LAMC1: variants seen among roughly 807,000 people sequenced by gnomAD.
The protein encoded by LAMC1 is laminin subunit gamma-1.
In LAMC1, 38 loss-of-function variants were observed where a neutral mutation model predicts 173.6. That is an observed-to-expected ratio of 0.22 (90% CI 0.17 to 0.29). LAMC1 has a LOEUF of 0.29. LAMC1 is among the 10% of genes least tolerant of loss of function. The pLI, the probability that LAMC1 is intolerant of heterozygous loss-of-function variation, is 1.00. For missense variants in LAMC1, 1,824 were observed against 2,051.8 expected (o/e 0.89, Z 2.14); for synonymous variants, 746 against 749.1 (o/e 1.00, Z 0.07).
chr1:183,085,560 G>C (rs899616899), intron 1 of LAMC1, among the ~76,000 whole-genome samples: 1 of 151,884 alleles, frequency 6.6e-6, no homozygotes, highest in Non-Finnish European at 1.5e-5. Context: ...GTAGAGATGG[G>C]GTTTTACCAT....
intron 1 of LAMC1, among the ~76,000 whole-genome samples, chr1:183,091,677 C>T (rs973376991): frequency 1.4e-4 from 21 of 152,106 alleles, no homozygotes; most frequent in Admixed American, 2.0e-4. Context: ...CAACATTACC[C>T]GACACAGACT....
chr1:183,061,785 A>G (rs181552821), intron 1 of LAMC1, among the ~76,000 whole-genome samples: 7 of 152,380 alleles, frequency 4.6e-5, no homozygotes, highest in African/African-American at 1.7e-4. Context: ...CCATATAAGA[A>G]GAGAATAACT....
chr1:183,131,425 T>TGG lies in LAMC1; in HGVS notation c.3566+50_3566+51dup, dbSNP rs749994645. 3.6e-4 allele frequency: 348 copies of TGG among 974,244 alleles called. 1 individual carries two copies. The African/African-American group carries it at 3.7e-3, about 10-fold the overall frequency. The allele number at this position is 974,244 out of a possible 1,614,324, so 60.3% of individuals were successfully genotyped here. On this transcript the variant is annotated intron_variant, in intron 20 of 27. Coordinates refer to ENST00000258341, the MANE Select transcript of LAMC1 (RefSeq NM_002293.4). ...AATGGTTAAGTTGTGGCTTCTGTTATGGGGTGTGTGTGTGTGTGTGTGTGT... is the reference window on the plus strand; with the variant it reads ...AATGGTTAAGTTGTGGCTTCTGTTATGGGGGGTGTGTGTGTGTGTGTGTGTGT...
At chr1:183,036,927 C>G (rs956672403) in intron 1 of LAMC1, among the ~76,000 whole-genome samples, 1 of 152,176 alleles carries the variant, frequency 6.6e-6, no homozygotes, top group South Asian at 2.1e-4. Context: ...AGGCACCCAC[C>G]ACCACGCCCG....
intron 20 of LAMC1, among the ~76,000 whole-genome samples, chr1:183,132,063 C>T (rs1384787800): frequency 6.6e-6 from 1 of 152,164 alleles, no homozygotes; most frequent in Non-Finnish European, 1.5e-5. Context: ...CTTTGGGAGG[C>T]CAAGGCGGGT....
At chr1:183,118,493 C>T (rs1374693328) in intron 11 of LAMC1, among the ~76,000 whole-genome samples, 2 of 152,184 alleles carry the variant, frequency 1.3e-5, no homozygotes, top group East Asian at 1.9e-4. Flanking sequence ...GAGGCTGAGG[C>T]GAGCAGATCA....
chr1:183,044,054 T>C (rs926736063), intron 1 of LAMC1, among the ~76,000 whole-genome samples: 2 of 152,156 alleles, frequency 1.3e-5, no homozygotes, highest in African/African-American at 4.8e-5. Flanking sequence ...TAGGAATCTT[T>C]AGTCACTCAG....
chr1:183,108,460 T>G, intron 3 of LAMC1, 54 bp downstream of exon 3: 1 of 1,522,448 alleles, frequency 6.6e-7, no homozygotes, highest in Non-Finnish European at 9.0e-7. Flanking sequence ...TGCATAGAGG[T>G]GAATCTAGCA....
chr1:183,085,422 G>C (rs983462727), intron 1 of LAMC1, among the ~76,000 whole-genome samples: 1 of 152,102 alleles, frequency 6.6e-6, no homozygotes, highest in Non-Finnish European at 1.5e-5. Flanking sequence ...GAGTGCAGTA[G>C]TGTGAATATG....
intron 1 of LAMC1, among the ~76,000 whole-genome samples, chr1:183,093,708 A>G (rs370630925): frequency 4.6e-5 from 7 of 152,066 alleles, no homozygotes; most frequent in African/African-American, 1.2e-4. Flanking sequence ...GGTATCTTCA[A>G]CTTAGTATAT....
intron 26 of LAMC1, among the ~76,000 whole-genome samples, chr1:183,139,167 A>C (rs1657034336): frequency 6.6e-6 from 1 of 152,238 alleles, no homozygotes; most frequent in East Asian, 1.9e-4. Flanking sequence ...AAAACAGTAT[A>C]TTCTTTAGGA....
rs1456397917 is a variant in LAMC1 at position 183,122,177 on chromosome 1, C to T, written c.2327C>T (p.Pro776Leu). 1 of 1,614,178 alleles carries T rather than the reference C, an allele frequency of 6.2e-7. No individual in the cohort carries two copies. The highest frequency in any genetic ancestry group is 8.5e-7 in the Non-Finnish European group (1 of 1,180,034). The change falls in exon 13 of 28, where the codon CCT (proline) becomes CTT (leucine). Residue 776 changes from proline (P) to leucine (L), a missense_variant. Physicochemically the swap from Pro to Leu is moderately conservative, Grantham distance 98 (BLOSUM62 -3). Coordinates refer to ENST00000258341, the MANE Select transcript of LAMC1 (RefSeq NM_002293.4). Reference sequence around the variant, plus strand: ...TCCGATTGCCAACCCTGTCCGTGTCCTGGAGGTTCAAGTTGTGCTGTTGTT... The same window carrying T: ...TCCGATTGCCAACCCTGTCCGTGTCTTGGAGGTTCAAGTTGTGCTGTTGTT... ...TSSDCQPCPC[P>L]GGSSCAVVPK...
Position 183,121,855 on chromosome 1 carries a change from A to G in LAMC1, c.2123A>G (p.Tyr708Cys), listed in dbSNP as rs761392364. 6.2e-7 allele frequency: 1 copy of G among 1,614,174 alleles called. No homozygotes were observed. The highest frequency in any genetic ancestry group is 2.2e-5 in the East Asian group (1 of 44,878). The change falls in exon 12 of 28, where the codon TAC (tyrosine) becomes TGC (cysteine). Residue 708 changes from tyrosine to cysteine, a missense_variant. Physicochemically the swap from Tyr to Cys is radical, Grantham distance 194. Coordinates refer to ENST00000258341, the MANE Select transcript of LAMC1 (RefSeq NM_002293.4). ...GQFCEMCLSGYRRETPNLGPY... is the reference protein window; with the variant it reads ...GQFCEMCLSGCRRETPNLGPY... ...TTTTGTGAGATGTGCCTCTCAGGTT[A>G]CAGAAGAGAAACTCCTAATCTTGGA...
At position 183,108,297 on chromosome 1, in the gene LAMC1, A is replaced by G. The variant is rs2102073987; in HGVS notation, c.745A>G (p.Ile249Val). 3 of 1,613,608 alleles carry G rather than the reference A, an allele frequency of 1.9e-6. No homozygotes were observed. The highest frequency in any genetic ancestry group is 1.3e-5 in the African/African-American group (1 of 75,048). The change falls in exon 3 of 28, where the codon ATC becomes GTC. Residue 249 changes from isoleucine to valine, a missense_variant. Ile to Val is a conservative substitution (Grantham distance 29). Coordinates refer to ENST00000258341, the MANE Select transcript of LAMC1 (RefSeq NM_002293.4). ...ACAGGAATGGGTAACTGCCACTGAC[A>G]TCAGAGTAACTCTTAATCGCCTGAA... is the stretch of plus-strand genomic sequence containing the variant. The part of the protein sequence containing the change: ...VLQEWVTATD[I>V]RVTLNRLNTF...
rs1004205610 is a variant in LAMC1, at chr1:183,124,389, C to G, written c.2402-242C>G. 2.5e-4 allele frequency among the ~76,000 whole-genome samples: 38 copies of G among 152,192 alleles called. 1 individual carries two copies. The highest frequency in any genetic ancestry group is 2.5e-3 in the Admixed American group (38 of 15,290). On this transcript the variant is annotated intron_variant, in intron 13 of 27. Transcript: ENST00000258341. ...AATACATGATTTGGGTTGATTGTCA[C>G]AACAATTAAAGTGAAGTAGGCAGAC...
intron 13 of LAMC1, 96 bp downstream of exon 13, chr1:183,122,347 TTC>T: frequency 1.8e-6 from 2 of 1,124,636 alleles, no homozygotes; most frequent in Non-Finnish European, 1.3e-6. Context: ...TTGTGTTTGG[TTC>T]AGTTTCAGTG....
At position 183,122,106 on chromosome 1, in the gene LAMC1, G is replaced by C; in HGVS notation, c.2256G>C (p.Glu752Asp). Reference sequence around the variant, plus strand: ...ACAATACGGCTGGCCCGCACTGTGAGAAGTGCAGTGATGGGTACTATGGAG... The same window carrying C: ...ACAATACGGCTGGCCCGCACTGTGACAAGTGCAGTGATGGGTACTATGGAG... Reference protein sequence around the residue: ...CRDNTAGPHCEKCSDGYYGDS... With the variant: ...CRDNTAGPHCDKCSDGYYGDS... Residue 752 changes from glutamate (E) to aspartate (D), a missense_variant, in exon 13 of 28, where the codon GAG (glutamate) becomes GAC (aspartate). Transcript: ENST00000258341. 2 of 1,614,192 alleles carry C rather than the reference G, an allele frequency of 1.2e-6. No homozygotes were observed. Among genetic ancestry groups the C allele is most frequent in the South Asian group, 2.2e-5 (2 of 91,078 alleles).
At chr1:183,059,843 G>A (rs1002452623) in intron 1 of LAMC1, among the ~76,000 whole-genome samples, 3 of 152,162 alleles carry the variant, frequency 2.0e-5, no homozygotes, top group Non-Finnish European at 2.9e-5. Context: ...TACAAACTAC[G>A]TGCATCAGAG....
At chr1:183,114,245 A>G (rs1656250585) in intron 4 of LAMC1, among the ~76,000 whole-genome samples, 1 of 151,932 alleles carries the variant, frequency 6.6e-6, no homozygotes, top group Non-Finnish European at 1.5e-5. Context: ...AATTTTTTGT[A>G]TTTTTAGTAG....
Sources: gnomAD v4.1 joint callset for allele counts (sites outside exome capture counted in the v4.1 genomes callset) on GRCh38, gnomAD v4.1.1 for gene constraint, MANE v1.5 for transcripts, NCBI Gene and HGNC (gene_info 2026-07-23, HGNC 2026-07-21) for gene names.